The following SV2C variants were observed in gnomAD, a reference collection of about 807,000 sequenced individuals.
SV2C encodes synaptic vesicle glycoprotein 2C, also known as solute carrier family 22 member B3.
Under a neutral mutation model 79.7 loss-of-function variants are expected in SV2C, and 49 were observed. The ratio of observed to expected loss-of-function variants is 0.61; its 90% CI spans 0.49 to 0.78. The LOEUF (loss-of-function observed/expected upper bound fraction) is 0.78, where lower values mean the gene tolerates loss of function less well. Among genes scored for constraint, SV2C ranks in the 30% least tolerant of loss-of-function variants. The pLI is 0.00. For synonymous variants in SV2C, 334 were observed against 333.2 expected (o/e 1.00, Z -0.03); for missense variants, 833 against 912.9 (o/e 0.91, Z 1.13).
chr5:76,160,031 A>G (rs1742853899), intron 2 of SV2C, among the ~76,000 whole-genome samples: 1 of 152,086 alleles, frequency 6.6e-6, no homozygotes, highest in Admixed American at 6.6e-5. Context: ...TACTTCAAAA[A>G]CTTAAAAAAA....
At chr5:75,973,097 G>T in the SV2C span, among the ~76,000 whole-genome samples, 1 of 151,748 alleles carries the variant, frequency 6.6e-6, no homozygotes. Context: ...AACACTACAT[G>T]TTCTCCCTCA....
At chr5:76,042,031 C>G in the SV2C span, among the ~76,000 whole-genome samples, 1 of 152,166 alleles carries the variant, frequency 6.6e-6, no homozygotes, top group African/African-American at 2.4e-5. Context: ...CTCCTCCATC[C>G]CACCTGTGTA....
the SV2C span, among the ~76,000 whole-genome samples, chr5:75,988,950 T>C: frequency 6.6e-6 from 1 of 151,942 alleles, no homozygotes; most frequent in African/African-American, 2.4e-5. Flanking sequence ...CCCATATATT[T>C]ACCTTCCCAT....
At chr5:75,874,016 G>T in the SV2C span, among the ~76,000 whole-genome samples, 1 of 152,062 alleles carries the variant, frequency 6.6e-6, no homozygotes, top group Non-Finnish European at 1.5e-5. Flanking sequence ...AACTATTCCA[G>T]AAAATTGAGG....
At chr5:76,264,253 A>G (rs1746573327) in intron 4 of SV2C, among the ~76,000 whole-genome samples, 1 of 151,740 alleles carries the variant, frequency 6.6e-6, no homozygotes, top group Non-Finnish European at 1.5e-5. Context: ...TGCTTCAGAA[A>G]GTTCTCCTGC....
chr5:76,118,218 G>A (rs1244506330), intron 1 of SV2C, among the ~76,000 whole-genome samples: 1 of 152,178 alleles, frequency 6.6e-6, no homozygotes, highest in Non-Finnish European at 1.5e-5. Context: ...GCCTGTGGCT[G>A]TGTAACTCTA....
chr5:75,887,979 C>A, the SV2C span, among the ~76,000 whole-genome samples: 11 of 152,190 alleles, frequency 7.2e-5, no homozygotes, highest in South Asian at 1.7e-3. Flanking sequence ...ACTGCAAGAA[C>A]CTTATTTTAC....
chr5:75,882,143 G>A, the SV2C span, among the ~76,000 whole-genome samples: 24 of 150,196 alleles, frequency 1.6e-4, no homozygotes, highest in East Asian at 4.5e-3. Flanking sequence ...TCCCAGGGAT[G>A]AAGCCCACTT....
chr5:75,950,859 T>C, the SV2C span, among the ~76,000 whole-genome samples: 3 of 152,042 alleles, frequency 2.0e-5, no homozygotes, highest in African/African-American at 7.2e-5. Flanking sequence ...TTCCATAGTG[T>C]CTACCTATAT....
chr5:75,995,276 C>A, the SV2C span, among the ~76,000 whole-genome samples: 2 of 152,098 alleles, frequency 1.3e-5, no homozygotes, highest in East Asian at 3.9e-4. Context: ...ATGAAATTAA[C>A]CATTTGCAGG....
intron 2 of SV2C, among the ~76,000 whole-genome samples, chr5:76,147,320 T>C (rs1435862275): frequency 1.3e-5 from 2 of 151,942 alleles, no homozygotes; most frequent in African/African-American, 4.8e-5. Context: ...GGCTCACTCT[T>C]CCTGTGTTTG....
chr5:76,069,878 C>CACACT, the SV2C span, among the ~76,000 whole-genome samples: 173 of 151,236 alleles, frequency 1.1e-3, 1 homozygote, highest in Admixed American at 3.6e-3. Flanking sequence ...ACACACACAC[C>CACACT]CTTTCGTGGC....
chr5:76,216,521 G>A (rs988648228), intron 4 of SV2C, among the ~76,000 whole-genome samples: 4 of 152,160 alleles, frequency 2.6e-5, no homozygotes, highest in African/African-American at 9.7e-5. Flanking sequence ...GCTTGGCCGG[G>A]TGCAGTGCCT....
At chr5:76,323,790 GA>G (rs1376049859) in intron 12 of SV2C, among the ~76,000 whole-genome samples, 1 of 152,118 alleles carries the variant, frequency 6.6e-6, no homozygotes, top group African/African-American at 2.4e-5. Context: ...CACAGGAACA[GA>G]AAACCAAACA....
chr5:76,030,184 T>C, the SV2C span, among the ~76,000 whole-genome samples: 4 of 151,408 alleles, frequency 2.6e-5, no homozygotes, highest in African/African-American at 4.9e-5. Context: ...AAGGGACTCC[T>C]TGACAAAATG....
In SV2C at chr5:76,313,697, A is replaced by T. The variant is rs149271118; in HGVS notation, c.2001-11667A>T. On this transcript the variant is annotated intron_variant, in intron 12 of 12. Transcript: ENST00000502798. Reference sequence around the variant, plus strand: ...TGCCCCTTTAATTGTGGGGTGCAGGATAAGGGGGCTCTAGAATCTGGAGTC... The same window carrying T: ...TGCCCCTTTAATTGTGGGGTGCAGGTTAAGGGGGCTCTAGAATCTGGAGTC... Among the ~76,000 whole-genome samples, 45 of 152,286 alleles carry T rather than the reference A, an allele frequency of 3.0e-4. No homozygotes were observed. In the East Asian group the frequency reaches 8.3e-3, roughly 28 times the overall value.
chr5:76,059,167 G>A, the SV2C span, among the ~76,000 whole-genome samples: 1 of 152,084 alleles, frequency 6.6e-6, no homozygotes, highest in African/African-American at 2.4e-5. Flanking sequence ...CTGGTGGAGG[G>A]TTTTGTCTCA....
intron 2 of SV2C, among the ~76,000 whole-genome samples, chr5:76,171,969 C>CT (rs1743292471): frequency 7.8e-6 from 1 of 127,996 alleles, no homozygotes; most frequent in Non-Finnish European, 1.7e-5. Context: ...CCAGCCGCCC[C>CT]GTCCGGGAGG....
chr5:76,088,085 T>C (rs1198510390), intron 1 of SV2C, among the ~76,000 whole-genome samples: 3 of 152,140 alleles, frequency 2.0e-5, no homozygotes, highest in Non-Finnish European at 4.4e-5. Context: ...ACCACTTCCA[T>C]CCCCAGCAAC....
Sources: allele counts gnomAD v4.1 joint callset (sites outside exome capture counted in the v4.1 genomes callset), GRCh38; gene constraint gnomAD v4.1.1; transcripts MANE v1.5; gene names NCBI Gene and HGNC (gene_info 2026-07-23, HGNC 2026-07-21).